RASSF2: variants seen among roughly 807,000 people sequenced by gnomAD.
RASSF2 encodes the protein Ras association domain family member 2.
A neutral mutation model predicts 46.3 loss-of-function variants in RASSF2; 34 were observed. The observed-to-expected ratio is 0.73, with a 90% CI of 0.56 to 0.98. The LOEUF (loss-of-function observed/expected upper bound fraction) is 0.98, where lower values mean the gene tolerates loss of function less well. Ranked by LOEUF, RASSF2 falls within the 50% of genes least tolerant of loss-of-function variation. The pLI is 0.00. For synonymous variants in RASSF2, 158 were observed against 162.5 expected, an observed-to-expected ratio of 0.97 and a Z score of 0.21; for missense variants, 364 against 431.2, an observed-to-expected ratio of 0.84 and a Z score of 1.38.
intron 6 of RASSF2, among the ~76,000 whole-genome samples, chr20:4,791,331 G>T (rs976908434): frequency 6.6e-5 from 10 of 152,120 alleles, no homozygotes; most frequent in Admixed American, 1.3e-4. Flanking sequence ...TTCTGGAGAT[G>T]GATGGTGGTG....
intron 5 of RASSF2, 31 bp from the exon 6 acceptor site, chr20:4,792,658 G>C: frequency 6.2e-7 from 1 of 1,611,034 alleles, no homozygotes. Flanking sequence ...GGGGAGGGGG[G>C]AGACTAGTTT....
rs938349125 is a variant in RASSF2, at chr20:4,790,435, C to T, written c.537+16G>A. Reference sequence around the variant, plus strand: ...GAAGAGGTCTTCCACCCTCCCCGTCCCCCTGTCCACCTTACCTTATGGTTG... The same window carrying T: ...GAAGAGGTCTTCCACCCTCCCCGTCTCCCTGTCCACCTTACCTTATGGTTG... On this transcript the variant is annotated intron_variant, in intron 7 of 11. Coordinates refer to ENST00000379400, the MANE Select transcript of RASSF2 (RefSeq NM_014737.3). This position sits in a 1 kb window ranked among gnomAD's most constrained non-coding sequence, Gnocchi z 4.3. The T allele has an allele frequency of 2.1e-6, 3 of 1,444,274 alleles. No homozygotes were observed. Among genetic ancestry groups the T allele is most frequent in the Non-Finnish European group, 2.7e-6 (3 of 1,097,166 alleles). 89.5% of individuals were successfully genotyped at this position (1,444,274 alleles called of 1,614,324 possible). A position where few individuals can be genotyped will look rare whatever the true frequency, so the allele number is the denominator to read the frequency against.
intron 2 of RASSF2, among the ~76,000 whole-genome samples, chr20:4,801,834 G>A (rs1180269584): frequency 6.6e-6 from 1 of 152,050 alleles, no homozygotes; most frequent in Admixed American, 6.6e-5. Flanking sequence ...CCTCTCCCAG[G>A]TTCAGGTGAT....
chr20:4,798,474 T>C (rs73588956), intron 3 of RASSF2, among the ~76,000 whole-genome samples: 23,749 of 152,036 alleles, frequency 0.16, 1,917 homozygotes, highest in East Asian at 0.19. Context: ...GCTGTGGCCT[T>C]TTCTCCCTCA....
At chr20:4,785,155 C>CAAAAAAAAAAAAAAAAA (rs11454727) in intron 11 of RASSF2, among the ~76,000 whole-genome samples, 1 of 92,570 alleles carries the variant, frequency 1.1e-5, no homozygotes, top group Non-Finnish European at 2.1e-5. Context: ...ACTAAAAATA[C>CAAAAAAAAAAAAAAAAA]AAAAAAAAAA....
intron 6 of RASSF2, among the ~76,000 whole-genome samples, chr20:4,791,509 G>C (rs976476069): frequency 6.6e-6 from 1 of 152,208 alleles, no homozygotes; most frequent in Non-Finnish European, 1.5e-5. Context: ...CATGGCATAT[G>C]TCTATCCTTG....
chr20:4,796,063 G>T, intron 4 of RASSF2, 97 bp from the exon 5 acceptor site: 1 of 1,365,724 alleles, frequency 7.3e-7, no homozygotes, highest in Non-Finnish European at 9.6e-7. Flanking sequence ...ACATGTCCTG[G>T]CTGGGGGCCC....
chr20:4,795,795 C>A lies in RASSF2; in HGVS notation c.287+20G>T. The A allele has an allele frequency of 6.2e-7, 1 of 1,601,186 alleles. No individual in the cohort carries two copies. Among genetic ancestry groups the A allele is most frequent in the Non-Finnish European group, 8.5e-7 (1 of 1,172,726 alleles). ...CCCAAGCATCCCAGTCATCTCCCTG[C>A]CCCGTCTCTCCTCACTCACCCCTGA... On this transcript the variant is annotated intron_variant, in intron 5 of 11. Coordinates refer to ENST00000379400, the MANE Select transcript of RASSF2 (RefSeq NM_014737.3). This position sits in a 1 kb window ranked among gnomAD's most constrained non-coding sequence, Gnocchi z 4.0.
intron 4 of RASSF2, among the ~76,000 whole-genome samples, 168 bp from the exon 5 acceptor site, chr20:4,796,134 T>C (rs1480606169): frequency 6.6e-6 from 1 of 152,186 alleles, no homozygotes; most frequent in Non-Finnish European, 1.5e-5. Context: ...CTGAGATACT[T>C]TCTGACGTCA....
intron 2 of RASSF2, among the ~76,000 whole-genome samples, chr20:4,820,826 A>C (rs937667902): frequency 6.6e-6 from 1 of 152,080 alleles, no homozygotes; most frequent in Admixed American, 6.5e-5. Flanking sequence ...CACTCAGTCC[A>C]TCTCCCAGCC....
At chr20:4,784,821 C>G (rs971664137) in intron 11 of RASSF2, among the ~76,000 whole-genome samples, 1 of 152,090 alleles carries the variant, frequency 6.6e-6, no homozygotes, top group Non-Finnish European at 1.5e-5. Flanking sequence ...TATAACAGAA[C>G]CTGCATTTTG....
intron 2 of RASSF2, among the ~76,000 whole-genome samples, chr20:4,821,260 G>C (rs914854737): frequency 1.3e-5 from 2 of 152,166 alleles, no homozygotes; most frequent in Admixed American, 6.5e-5. Context: ...CTGGCGAGAA[G>C]ACCTGAACCT....
At chr20:4,789,235 A>G (rs1925644675) in intron 8 of RASSF2, among the ~76,000 whole-genome samples, 1 of 152,182 alleles carries the variant, frequency 6.6e-6, no homozygotes, top group African/African-American at 2.4e-5. Context: ...ACCAGTCAGC[A>G]GGCCCCAGGG....
rs756368271 is a variant in RASSF2 at position 4,788,281 on chromosome 20, C to A, written c.640-13G>T. 1.4e-5 allele frequency: 22 copies of A among 1,603,286 alleles called. No individual in the cohort carries two copies. The highest frequency in any genetic ancestry group is 1.8e-5 in the Non-Finnish European group (21 of 1,170,164). The stretch of plus-strand genomic sequence containing the variant: ...CTGAATTCTCAATCTGAAGCAGGAG[C>A]AAAAGATTCTTGTTGAAAGTTTCTA... On this transcript the variant is annotated splice_polypyrimidine_tract_variant and intron_variant, in intron 8 of 11. Coordinates refer to ENST00000379400, the MANE Select transcript of RASSF2 (RefSeq NM_014737.3).
intron 10 of RASSF2, among the ~76,000 whole-genome samples, chr20:4,787,138 G>A (rs1361391465): frequency 6.6e-6 from 1 of 152,052 alleles, no homozygotes; most frequent in Non-Finnish European, 1.5e-5. Context: ...TTCTCCCTGG[G>A]ATAAGTACAT....
intron 3 of RASSF2, among the ~76,000 whole-genome samples, chr20:4,799,429 T>C (rs1485034973): frequency 6.6e-6 from 1 of 152,212 alleles, no homozygotes; most frequent in East Asian, 1.9e-4. Context: ...TGTGCGCTTT[T>C]GTCTAGTCTC....
At chr20:4,818,889 C>T (rs1258465356) in intron 2 of RASSF2, among the ~76,000 whole-genome samples, 4 of 152,214 alleles carry the variant, frequency 2.6e-5, no homozygotes, top group African/African-American at 9.7e-5. Flanking sequence ...CCATTTGACC[C>T]TCACAATATT....
At chr20:4,788,321 C>CTTCGA in intron 8 of RASSF2, 53 bp from the exon 9 acceptor site, 4 of 1,512,202 alleles carry the variant, frequency 2.6e-6, no homozygotes, top group Non-Finnish European at 3.7e-6. Flanking sequence ...AACATCCCAA[C>CTTCGA]TTCGAGGCTT....
At chr20:4,819,106 G>A (rs1928528779) in intron 2 of RASSF2, among the ~76,000 whole-genome samples, 1 of 152,126 alleles carries the variant, frequency 6.6e-6, no homozygotes, top group African/African-American at 2.4e-5. Flanking sequence ...GGGATTACAG[G>A]CGCCCGCCAC....
Sources: gnomAD v4.1 joint callset for allele counts (sites outside exome capture counted in the v4.1 genomes callset) on GRCh38, gnomAD v4.1.1 for gene constraint, Gnocchi (gnomAD v3.1) non-coding constraint, MANE v1.5 for transcripts, NCBI Gene and HGNC (gene_info 2026-07-23, HGNC 2026-07-21) for gene names.